The following RAP1GDS1 variants were observed in gnomAD, a reference collection of about 807,000 sequenced individuals.
RAP1GDS1 encodes RAP1, GTP-GDP dissociation stimulator 1.
A neutral mutation model predicts 71.1 loss-of-function variants in RAP1GDS1; 35 were observed. That is an observed-to-expected ratio of 0.49 (90% CI 0.38 to 0.65). The LOEUF (loss-of-function observed/expected upper bound fraction) is 0.65, where lower values mean the gene tolerates loss of function less well. Among genes scored for constraint, RAP1GDS1 ranks in the 30% least tolerant of loss-of-function variants. RAP1GDS1 has a pLI of 0.00. For missense variants in RAP1GDS1, 663 were observed against 706.1 expected, an observed-to-expected ratio of 0.94 and a Z score of 0.69; for synonymous variants, 229 against 243.1, an observed-to-expected ratio of 0.94 and a Z score of 0.54.
intron 2 of RAP1GDS1, among the ~76,000 whole-genome samples, chr4:98,331,234 G>A (rs1454005571): frequency 6.6e-6 from 1 of 152,136 alleles, no homozygotes; most frequent in Non-Finnish European, 1.5e-5. Context: ...GCAGTGAGCC[G>A]AGATCACGGC....
At chr4:98,385,588 GT>G (rs1238739082) in intron 5 of RAP1GDS1, among the ~76,000 whole-genome samples, 2 of 151,854 alleles carry the variant, frequency 1.3e-5, no homozygotes, top group East Asian at 1.9e-4. Flanking sequence ...TATTAATCCT[GT>G]TTTTTTAACT....
chr4:98,275,985 GTTCAT>G (rs1296536840), intron 1 of RAP1GDS1, among the ~76,000 whole-genome samples: 4 of 152,078 alleles, frequency 2.6e-5, no homozygotes. Context: ...TACTGTCTGA[GTTCAT>G]TTGGGCTGCT....
intron 2 of RAP1GDS1, among the ~76,000 whole-genome samples, chr4:98,297,563 A>G (rs1417223338): frequency 1.3e-5 from 2 of 152,064 alleles, no homozygotes; most frequent in Admixed American, 6.6e-5. Flanking sequence ...TGATGTTACT[A>G]TTGTGATTGT....
intron 6 of RAP1GDS1, among the ~76,000 whole-genome samples, chr4:98,392,768 C>T (rs17027549): frequency 0.068 from 10,421 of 152,180 alleles, 408 homozygotes; most frequent in Admixed American, 0.14. Context: ...AGGAATCTAA[C>T]GTTAGACTAA....
intron 2 of RAP1GDS1, among the ~76,000 whole-genome samples, chr4:98,296,299 T>C (rs1727739578): frequency 6.6e-6 from 1 of 152,122 alleles, no homozygotes; most frequent in Admixed American, 6.6e-5. Flanking sequence ...ATTTTTACAC[T>C]GTGTGATTTA....
chr4:98,356,108 C>T (rs370666391), intron 4 of RAP1GDS1, among the ~76,000 whole-genome samples: 42 of 152,172 alleles, frequency 2.8e-4, no homozygotes, highest in East Asian at 1.4e-3. Flanking sequence ...AATTTGACAT[C>T]TTTCAGATCA....
intron 4 of RAP1GDS1, among the ~76,000 whole-genome samples, chr4:98,360,710 C>G (rs1738611808): frequency 6.6e-6 from 1 of 152,066 alleles, no homozygotes; most frequent in African/African-American, 2.4e-5. Context: ...TCAGCCTTTT[C>G]CTTGCTACAA....
intron 1 of RAP1GDS1, among the ~76,000 whole-genome samples, chr4:98,272,040 C>T (rs990557876): frequency 6.6e-6 from 1 of 152,114 alleles, no homozygotes. Context: ...TCAAGACCTT[C>T]CCAGGTGATG....
intron 2 of RAP1GDS1, among the ~76,000 whole-genome samples, chr4:98,319,860 G>C (rs892749562): frequency 6.7e-6 from 1 of 149,258 alleles, no homozygotes; most frequent in African/African-American, 2.5e-5. Flanking sequence ...TTCAATAAAA[G>C]TTACACCAAG....
chr4:98,352,763 G>T (rs997308449), intron 4 of RAP1GDS1, among the ~76,000 whole-genome samples, 162 bp downstream of exon 4: 1 of 152,146 alleles, frequency 6.6e-6, no homozygotes, highest in Non-Finnish European at 1.5e-5. Flanking sequence ...GATTCAGGTC[G>T]TTGTATTCTT....
At chr4:98,372,042 G>A (rs936297166) in intron 4 of RAP1GDS1, among the ~76,000 whole-genome samples, 4 of 151,944 alleles carry the variant, frequency 2.6e-5, no homozygotes, top group South Asian at 2.1e-4. Context: ...CCACAAAGGC[G>A]GGTTTATTTC....
intron 12 of RAP1GDS1, among the ~76,000 whole-genome samples, chr4:98,427,537 G>A (rs1749784683): frequency 6.6e-6 from 1 of 152,056 alleles, no homozygotes; most frequent in Admixed American, 6.5e-5. Context: ...CAAAATTAAT[G>A]TACACAAATT....
chr4:98,443,128 G>A lies in RAP1GDS1; in HGVS notation c.*1011G>A, dbSNP rs1414278391. On this transcript the variant is annotated 3_prime_UTR_variant, in exon 15 of 15. Coordinates refer to ENST00000408927, the MANE Select transcript of RAP1GDS1 (RefSeq NM_001100427.2). The stretch of plus-strand genomic sequence containing the variant: ...TGTTAGAACTAGCAGGACGTAGGTG[G>A]AAAGATGAAGAAATAAGCTTGTCTA... 2 of 228,642 alleles carry A rather than the reference G, an allele frequency of 8.7e-6. No homozygotes were observed. Among genetic ancestry groups the A allele is most frequent in the African/African-American group, 2.2e-5 (1 of 44,554 alleles). 14.2% of individuals were successfully genotyped at this position (228,642 alleles called of 1,614,324 possible). A position where few individuals can be genotyped will look rare whatever the true frequency, so the allele number is the denominator to read the frequency against.
At position 98,424,788 on chromosome 4, in the gene RAP1GDS1, AAAG is replaced by A. The variant is rs1345392217; in HGVS notation, c.1440+3397_1440+3399del. Among the ~76,000 whole-genome samples the A allele has an allele frequency of 1.1e-3, 147 of 128,970 alleles. 4 individuals carry two copies. In the Middle Eastern group the frequency reaches 0.013, roughly 12 times the overall value. 84.6% of individuals were successfully genotyped at this position (128,970 alleles called of 152,430 possible). A position where few individuals can be genotyped will look rare whatever the true frequency, so the allele number is the denominator to read the frequency against. ...CTGTCTCCAAAAAAAAAAAAAAAAC[AAAG>A]AAAACTTTTGGAAAACATATTTGGG... is the stretch of plus-strand genomic sequence containing the variant. On this transcript the variant is annotated intron_variant, in intron 12 of 14. Coordinates refer to ENST00000408927, the MANE Select transcript of RAP1GDS1 (RefSeq NM_001100427.2).
At chr4:98,409,907 GA>G (rs1389425183) in intron 7 of RAP1GDS1, 2 of 161,178 alleles carry the variant, frequency 1.2e-5, no homozygotes, top group African/African-American at 4.8e-5. Context: ...TCATGGCCTT[GA>G]AATACTTTTC....
chr4:98,330,114 G>A (rs1177290639), intron 2 of RAP1GDS1, among the ~76,000 whole-genome samples: 1 of 152,086 alleles, frequency 6.6e-6, no homozygotes, highest in Non-Finnish European at 1.5e-5. Flanking sequence ...CACAGCACAT[G>A]TTTCAGAAAG....
chr4:98,271,936 A>G (rs1723516842), intron 1 of RAP1GDS1, among the ~76,000 whole-genome samples: 1 of 152,232 alleles, frequency 6.6e-6, no homozygotes, highest in Non-Finnish European at 1.5e-5. Context: ...CAGCTTGCAT[A>G]GAATCACTTG....
chr4:98,408,090 TTA>T (rs201953501), intron 7 of RAP1GDS1, among the ~76,000 whole-genome samples: 9 of 143,924 alleles, frequency 6.3e-5, no homozygotes, highest in Admixed American at 2.1e-4. Flanking sequence ...CCCATATATT[TTA>T]TATATATATA....
At position 98,443,220 on chromosome 4, in the gene RAP1GDS1, C is replaced by T; in HGVS notation, c.*1103C>T. The T allele has an allele frequency of 1.3e-5, 3 of 232,372 alleles. No individual in the cohort carries two copies. Among genetic ancestry groups the T allele is most frequent in the Non-Finnish European group, 2.5e-5 (3 of 117,698 alleles). 14.4% of individuals were successfully genotyped at this position (232,372 alleles called of 1,614,324 possible). On this transcript the variant is annotated 3_prime_UTR_variant, in exon 15 of 15. Coordinates refer to ENST00000408927, the MANE Select transcript of RAP1GDS1 (RefSeq NM_001100427.2). ...AGTCCAGTTCATTCTGCAGATGGCC[C>T]CATACCAATCGCTGTTAGAGTTTGC... is the stretch of plus-strand genomic sequence containing the variant.
Sources: allele counts gnomAD v4.1 joint callset (sites outside exome capture counted in the v4.1 genomes callset), GRCh38; gene constraint gnomAD v4.1.1; transcripts MANE v1.5; gene names NCBI Gene and HGNC (gene_info 2026-07-23, HGNC 2026-07-21).